Variants in DOCK10 observed in about 807,000 individuals in gnomAD.
The protein encoded by DOCK10 is dedicator of cytokinesis 10, also known as dedicator of cytokinesis protein 10.
DOCK10 carries 145 observed loss-of-function variants against 280.1 expected under a neutral mutation model. The ratio of observed to expected loss-of-function variants is 0.52; its 90% CI spans 0.45 to 0.59. The LOEUF is 0.59. Ranked by LOEUF, DOCK10 falls within the 20% of genes least tolerant of loss-of-function variation. The probability of loss-of-function intolerance (pLI) is 0.00; values close to 1 mark genes in which losing one functional copy is unlikely to be tolerated. For synonymous variants in DOCK10, 915 were observed against 942.2 expected, an observed-to-expected ratio of 0.97 and a Z score of 0.53; for missense variants, 2,368 against 2,651.7, an observed-to-expected ratio of 0.89 and a Z score of 2.35.
At chr2:224,946,815 G>A in intron 1 of DOCK10, 1 of 1,470,638 alleles carries the variant, frequency 6.8e-7, no homozygotes, top group Non-Finnish European at 9.1e-7. Flanking sequence ...AAGGAAAGAT[G>A]GAAAGCAAAA....
chr2:225,029,914 C>T (rs560739870), intron 1 of DOCK10, among the ~76,000 whole-genome samples: 27 of 151,950 alleles, frequency 1.8e-4, no homozygotes, highest in African/African-American at 5.5e-4. Flanking sequence ...GAGGCTGAGG[C>T]GGGTGGATCA....
chr2:224,843,604 C>A (rs1404851206), intron 22 of DOCK10, among the ~76,000 whole-genome samples: 1 of 152,038 alleles, frequency 6.6e-6, no homozygotes, highest in Non-Finnish European at 1.5e-5. Flanking sequence ...TGGATTATTT[C>A]ATTTTTCTTA....
At chr2:224,787,763 A>G (rs1271214518) in intron 48 of DOCK10, among the ~76,000 whole-genome samples, 1 of 152,048 alleles carries the variant, frequency 6.6e-6, no homozygotes, top group Admixed American at 6.5e-5. Flanking sequence ...TGATCATGAG[A>G]TCTCCAGTGC....
chr2:224,835,846 T>C (rs1465955837), intron 25 of DOCK10, among the ~76,000 whole-genome samples: 1 of 152,254 alleles, frequency 6.6e-6, no homozygotes, highest in Admixed American at 6.5e-5. Flanking sequence ...ATTTTTGGAT[T>C]TGAATCACTT....
chr2:224,800,682 G>A (rs997843330), intron 40 of DOCK10, among the ~76,000 whole-genome samples: 2 of 152,074 alleles, frequency 1.3e-5, no homozygotes, highest in Non-Finnish European at 2.9e-5. Context: ...AGTAACTGTG[G>A]GCCATGTGCC....
intron 55 of DOCK10, among the ~76,000 whole-genome samples, chr2:224,766,368 A>G (rs1240147621): frequency 1.3e-5 from 2 of 152,196 alleles, no homozygotes; most frequent in Non-Finnish European, 2.9e-5. Context: ...TTTTGTACAG[A>G]AGAGATTTCT....
intron 1 of DOCK10, among the ~76,000 whole-genome samples, chr2:225,013,008 G>A (rs1422946685): frequency 6.6e-6 from 1 of 152,164 alleles, no homozygotes; most frequent in East Asian, 1.9e-4. Context: ...TTTCCAGAGT[G>A]CTTTGTTATT....
chr2:225,012,525 C>T (rs184692816), intron 1 of DOCK10, among the ~76,000 whole-genome samples: 5 of 152,214 alleles, frequency 3.3e-5, no homozygotes, highest in Admixed American at 3.3e-4. Flanking sequence ...TTGTATAGTG[C>T]TTGCTTTTTC....
chr2:225,030,703 T>G (rs1690051988), intron 1 of DOCK10, among the ~76,000 whole-genome samples: 1 of 152,220 alleles, frequency 6.6e-6, no homozygotes, highest in African/African-American at 2.4e-5. Context: ...AATCTTTGAA[T>G]AGCCTTTGTG....
chr2:224,815,811 G>A (rs970799969), intron 30 of DOCK10, among the ~76,000 whole-genome samples: 8 of 152,176 alleles, frequency 5.3e-5, no homozygotes, highest in South Asian at 4.2e-4. Context: ...CGACGTAGGC[G>A]GATCACCTGA....
Position 224,961,415 on chromosome 2 carries a change from T to C in DOCK10, c.124-29747A>G, listed in dbSNP as rs565260366. 2.8e-4 allele frequency among the ~76,000 whole-genome samples: 25 copies of C among 89,552 alleles called. No individual in the cohort carries two copies. In the South Asian group the frequency reaches 0.01, roughly 37 times the overall value. The allele number at this position is 89,552 out of a possible 152,430, so 58.7% of individuals were successfully genotyped here. ...GCAGCATTTTCTTTCTTTCTTTCTCTTTCTTTCTTTCTTTCTTTCTTTCTT... is the reference window on the plus strand; with the variant it reads ...GCAGCATTTTCTTTCTTTCTTTCTCCTTCTTTCTTTCTTTCTTTCTTTCTT... On this transcript the variant is annotated intron_variant, in intron 1 of 55. Coordinates refer to ENST00000258390, the MANE Select transcript of DOCK10 (RefSeq NM_014689.3).
chr2:224,863,257 CTTTA>C, intron 13 of DOCK10, among the ~76,000 whole-genome samples: 1 of 152,252 alleles, frequency 6.6e-6, no homozygotes, highest in East Asian at 1.9e-4. Flanking sequence ...TTCAATAAAA[CTTTA>C]TTTATCAAAA....
At chr2:224,982,270 G>A in intron 1 of DOCK10, 1 of 1,231,958 alleles carries the variant, frequency 8.1e-7, no homozygotes, top group Non-Finnish European at 1.0e-6. Context: ...AAATTTCGTG[G>A]GATGGTTCCT....
intron 1 of DOCK10, among the ~76,000 whole-genome samples, chr2:224,989,471 G>C (rs757954855): frequency 6.6e-6 from 1 of 152,094 alleles, no homozygotes; most frequent in Non-Finnish European, 1.5e-5. Context: ...AATCATGTTG[G>C]ACTTTTTTTG....
At chr2:224,886,896 A>AC (rs1350872410) in intron 4 of DOCK10, among the ~76,000 whole-genome samples, 2 of 130,246 alleles carry the variant, frequency 1.5e-5, no homozygotes, top group East Asian at 2.1e-4. Context: ...ACACCCCCCC[A>AC]AGTAGTACCT....
chr2:224,993,903 T>C (rs1225251694), intron 1 of DOCK10, among the ~76,000 whole-genome samples: 1 of 152,154 alleles, frequency 6.6e-6, no homozygotes. Flanking sequence ...TTTAAGAATA[T>C]GTGTGGTTAG....
At chr2:224,778,823 A>G (rs1304003903) in intron 50 of DOCK10, among the ~76,000 whole-genome samples, 2 of 152,218 alleles carry the variant, frequency 1.3e-5, no homozygotes, top group East Asian at 1.9e-4. Flanking sequence ...CAGAAATTAC[A>G]TGTGTTATGC....
chr2:225,028,685 G>A (rs1233519837), intron 1 of DOCK10, among the ~76,000 whole-genome samples: 2 of 152,216 alleles, frequency 1.3e-5, no homozygotes, highest in Non-Finnish European at 2.9e-5. Context: ...AGCACATGCA[G>A]TAATTCTGAT....
At chr2:224,994,687 TCTGA>T (rs1242036924) in intron 1 of DOCK10, among the ~76,000 whole-genome samples, 2 of 152,238 alleles carry the variant, frequency 1.3e-5, no homozygotes, top group Non-Finnish European at 2.9e-5. Flanking sequence ...AAGATCTTCC[TCTGA>T]CTGGTCTGTT....
Sources: allele counts gnomAD v4.1 joint callset (sites outside exome capture counted in the v4.1 genomes callset), GRCh38; gene constraint gnomAD v4.1.1; transcripts MANE v1.5; gene names NCBI Gene and HGNC (gene_info 2026-07-23, HGNC 2026-07-21).